Variants in CACNA2D1 observed in about 807,000 individuals in gnomAD.
The protein encoded by CACNA2D1 is voltage-dependent calcium channel subunit alpha-2/delta-1.
In CACNA2D1, 53 loss-of-function variants were observed where a neutral mutation model predicts 171.5. That is an observed-to-expected ratio of 0.31 (90% CI 0.25 to 0.39). The LOEUF (loss-of-function observed/expected upper bound fraction) is 0.39, where lower values mean the gene tolerates loss of function less well. CACNA2D1 is among the 10% of genes least tolerant of loss of function. The probability of loss-of-function intolerance (pLI) is 1.00; values close to 1 mark genes in which losing one functional copy is unlikely to be tolerated. For missense variants in CACNA2D1, 903 were observed against 1,299.8 expected (o/e 0.69, Z 4.69); for synonymous variants, 442 against 443.1 (o/e 1.00, Z 0.03).
At chr7:82,059,396 T>C (rs2131369915) in intron 10 of CACNA2D1, among the ~76,000 whole-genome samples, 1 of 152,264 alleles carries the variant, frequency 6.6e-6, no homozygotes, top group Admixed American at 6.5e-5. Flanking sequence ...CATTCAAATA[T>C]CTATTGGTTT....
chr7:81,970,591 A>C (rs1251187581), intron 27 of CACNA2D1, 84 bp downstream of exon 27: 2 of 794,420 alleles, frequency 2.5e-6, no homozygotes, highest in East Asian at 2.4e-5. Flanking sequence ...TATTTGAAGA[A>C]TGGCTTCCTT....
At position 82,375,812 on chromosome 7, in the gene CACNA2D1, G is replaced by GC. The variant is rs553892642; in HGVS notation, c.96-26164dup. Among the ~76,000 whole-genome samples the GC allele has an allele frequency of 9.2e-5, 14 of 152,234 alleles. 1 individual carries two copies. In the South Asian group the frequency reaches 2.9e-3, roughly 32 times the overall value. On this transcript the variant is annotated intron_variant, in intron 1 of 38. Coordinates refer to ENST00000356860, the MANE Select transcript of CACNA2D1 (RefSeq NM_000722.4). ...TTGTAGACTGTCTTAATTGCCCACA[G>GC]CCCCAAACAGCATGTCTTTGAGGTC...
At chr7:82,294,867 T>A (rs570267118) in intron 3 of CACNA2D1, among the ~76,000 whole-genome samples, 102 of 152,308 alleles carry the variant, frequency 6.7e-4, no homozygotes, top group South Asian at 1.9e-3. Context: ...AATGTTTTAC[T>A]TTTACATGAT....
At chr7:81,994,777 T>C (rs1193670770) in intron 20 of CACNA2D1, 91 bp downstream of exon 20, 6 of 718,658 alleles carry the variant, frequency 8.3e-6, no homozygotes, top group Non-Finnish European at 1.5e-5. Context: ...TATAAGTAAA[T>C]AGTGGATTAA....
At chr7:82,182,990 T>C (rs926325599) in intron 3 of CACNA2D1, among the ~76,000 whole-genome samples, 1 of 149,274 alleles carries the variant, frequency 6.7e-6, no homozygotes, top group Non-Finnish European at 1.5e-5. Context: ...TAAGCGGAGA[T>C]TGCACCATTG....
At chr7:82,010,601 G>T (rs1799672459) in intron 15 of CACNA2D1, among the ~76,000 whole-genome samples, 1 of 152,094 alleles carries the variant, frequency 6.6e-6, no homozygotes, top group Non-Finnish European at 1.5e-5. Context: ...TTTGACCACA[G>T]CTTTGGATCA....
chr7:82,027,097 G>A (rs1023637467), intron 12 of CACNA2D1, among the ~76,000 whole-genome samples: 1 of 151,466 alleles, frequency 6.6e-6, no homozygotes, highest in African/African-American at 2.4e-5. Flanking sequence ...GATGATTAAT[G>A]GGTACAAAAA....
In CACNA2D1 at chr7:82,110,353, T is replaced by G. The variant is rs546137866; in HGVS notation, c.526+6691A>C. ...TTAGTGGCCTCATGAGAAAAGAGCT[T>G]GCTCGCTCTCTCTGCTAGTGCAGAA... is the stretch of plus-strand genomic sequence containing the variant. On this transcript the variant is annotated intron_variant, in intron 6 of 38. Transcript: ENST00000356860. Among the ~76,000 whole-genome samples, 16 of 152,172 alleles carry G rather than the reference T, an allele frequency of 1.1e-4. No homozygotes were observed. The South Asian group carries it at 2.7e-3, about 26-fold the overall frequency.
chr7:82,281,790 T>C (rs1241982220), intron 3 of CACNA2D1, among the ~76,000 whole-genome samples: 1 of 146,214 alleles, frequency 6.8e-6, no homozygotes, highest in Non-Finnish European at 1.5e-5. Context: ...CTAAAATGAT[T>C]TATAAATTTA....
intron 3 of CACNA2D1, among the ~76,000 whole-genome samples, chr7:82,217,490 T>C (rs1215586437): frequency 6.9e-6 from 1 of 143,972 alleles, no homozygotes; most frequent in African/African-American, 2.7e-5. Context: ...ATAAATTCAA[T>C]CCATTTCCAA....
In CACNA2D1 at chr7:81,946,571, C is replaced by T. The variant is rs1488899482; in HGVS notation, c.*3821G>A. 1.3e-5 allele frequency: 2 copies of T among 151,998 alleles called. No homozygotes were observed. The highest frequency in any genetic ancestry group is 2.9e-5 in the Non-Finnish European group (2 of 67,990). 9.4% of individuals were successfully genotyped at this position (151,998 alleles called of 1,614,324 possible). Reference sequence around the variant, plus strand: ...ATTTTTACAAAATGTTTTTATCAGGCTAGGTAATTTTCACAAAAGTGTCAA... The same window carrying T: ...ATTTTTACAAAATGTTTTTATCAGGTTAGGTAATTTTCACAAAAGTGTCAA... On this transcript the variant is annotated 3_prime_UTR_variant, in exon 39 of 39. Coordinates refer to ENST00000356860, the MANE Select transcript of CACNA2D1 (RefSeq NM_000722.4).
intron 38 of CACNA2D1, among the ~76,000 whole-genome samples, chr7:81,958,939 A>G (rs995402972): frequency 2.6e-5 from 4 of 152,048 alleles, no homozygotes; most frequent in Admixed American, 2.0e-4. Context: ...TAACAAAAAT[A>G]TAATAAAATT....
intron 7 of CACNA2D1, among the ~76,000 whole-genome samples, chr7:82,077,384 AAAG>A (rs1290844770): frequency 3.3e-5 from 5 of 152,212 alleles, no homozygotes; most frequent in African/African-American, 1.2e-4. Context: ...AAAAGGGGGC[AAAG>A]AAGAATACCA....
chr7:82,369,520 A>G (rs1290664851), intron 1 of CACNA2D1, among the ~76,000 whole-genome samples: 3 of 152,030 alleles, frequency 2.0e-5, no homozygotes, highest in African/African-American at 7.2e-5. Flanking sequence ...ATGTAAAATT[A>G]ATGTGTATAT....
chr7:82,397,112 G>A (rs1825823531), intron 1 of CACNA2D1, among the ~76,000 whole-genome samples: 2 of 152,002 alleles, frequency 1.3e-5, no homozygotes, highest in Non-Finnish European at 2.9e-5. Flanking sequence ...AAAATCATTT[G>A]GTCTTGGAAC....
At chr7:82,010,721 C>T (rs944746072) in intron 15 of CACNA2D1, among the ~76,000 whole-genome samples, 2 of 152,152 alleles carry the variant, frequency 1.3e-5, no homozygotes, top group African/African-American at 2.4e-5. Context: ...GCGTGCAAGG[C>T]TGCTGTTAAT....
intron 1 of CACNA2D1, among the ~76,000 whole-genome samples, chr7:82,397,795 AG>A (rs1825900641): frequency 6.6e-6 from 1 of 152,246 alleles, no homozygotes; most frequent in South Asian, 2.1e-4. Flanking sequence ...TGAGACACAG[AG>A]AGGCCAAAAA....
intron 31 of CACNA2D1, among the ~76,000 whole-genome samples, chr7:81,966,255 T>C (rs988162702): frequency 6.6e-6 from 1 of 151,646 alleles, no homozygotes; most frequent in Admixed American, 6.6e-5. Flanking sequence ...GTTTAAATCA[T>C]GTTTTAATGT....
rs569224582 is a variant in CACNA2D1 at position 81,966,576 on chromosome 7, T to A, written c.2502+593A>T. Among the ~76,000 whole-genome samples, 6 of 151,378 alleles carry A rather than the reference T, an allele frequency of 4.0e-5. No individual in the cohort carries two copies. In the South Asian group the frequency reaches 1.2e-3, roughly 31 times the overall value. On this transcript the variant is annotated intron_variant, in intron 31 of 38. Transcript: ENST00000356860. ...TATTGTTTCATCATTGTTATTCAATTTTTAGAATTATTTATCTAGTATCAT... is the reference window on the plus strand; with the variant it reads ...TATTGTTTCATCATTGTTATTCAATATTTAGAATTATTTATCTAGTATCAT...
Sources: gnomAD v4.1 joint callset for allele counts (sites outside exome capture counted in the v4.1 genomes callset) on GRCh38, gnomAD v4.1.1 for gene constraint, MANE v1.5 for transcripts, NCBI Gene and HGNC (gene_info 2026-07-23, HGNC 2026-07-21) for gene names.